Variants in PRH1 observed in about 807,000 individuals in gnomAD.
PRH1 encodes salivary acidic proline-rich phosphoprotein 1/2.
In PRH1, 7 loss-of-function variants were observed where a neutral mutation model predicts 7.9. That is an observed-to-expected ratio of 0.89 (90% CI 0.50 to 1.67). PRH1 has a LOEUF of 1.67. Among genes scored for constraint, PRH1 ranks in the 40% most tolerant of loss-of-function variants. PRH1 has a pLI of 0.00. For missense variants in PRH1, 109 were observed against 223.6 expected, an observed-to-expected ratio of 0.49 and a Z score of 3.27; for synonymous variants, 45 against 80.8, an observed-to-expected ratio of 0.56 and a Z score of 2.38.
chr12:11,110,871 A>C (rs770616440), intron 1 of PRH1, among the ~76,000 whole-genome samples: 1 of 152,222 alleles, frequency 6.6e-6, no homozygotes, highest in Non-Finnish European at 1.5e-5. Context: ...AATTGAATAG[A>C]GTCAAGACCC....
intron 2 of PRH1, among the ~76,000 whole-genome samples, chr12:10,960,716 C>T (rs1938199220): frequency 1.3e-5 from 2 of 152,012 alleles, no homozygotes; most frequent in Admixed American, 1.3e-4. Flanking sequence ...TGGCAAGTTC[C>T]TTAAATATAG....
rs556560493 is a variant in PRH1, at chr12:10,899,231, C to T, written c.-58-14956G>A. 9.5e-4 allele frequency among the ~76,000 whole-genome samples: 144 copies of T among 152,214 alleles called. 1 individual carries two copies. Among genetic ancestry groups the T allele is most frequent in the Middle Eastern group, 3.4e-3 (1 of 294 alleles). On this transcript the variant is annotated intron_variant, in intron 2 of 3. Transcript: ENST00000539853. Reference sequence around the variant, plus strand: ...TGGACTTCAGACATTTGAATTGATGCAGCAACGTGTTAAGAATTGGGGGAC... The same window carrying T: ...TGGACTTCAGACATTTGAATTGATGTAGCAACGTGTTAAGAATTGGGGGAC...
At chr12:10,942,398 G>C (rs1950416415) in intron 2 of PRH1, among the ~76,000 whole-genome samples, 1 of 152,142 alleles carries the variant, frequency 6.6e-6, no homozygotes, top group Admixed American at 6.5e-5. Context: ...GTGGCTGCTA[G>C]GGGGGATGGG....
chr12:10,892,985 T>C (rs1949596135), intron 2 of PRH1, among the ~76,000 whole-genome samples: 1 of 152,188 alleles, frequency 6.6e-6, no homozygotes, highest in Non-Finnish European at 1.5e-5. Context: ...ATTTCAGAGA[T>C]AAGGAAGGCA....
chr12:10,958,165 T>C (rs1000555123), intron 2 of PRH1, among the ~76,000 whole-genome samples: 11 of 152,054 alleles, frequency 7.2e-5, no homozygotes, highest in African/African-American at 2.2e-4. Context: ...TAAACCTAAC[T>C]GCCCATAAAT....
intron 1 of PRH1, chr12:11,133,441 T>C (rs771658517): frequency 1.2e-6 from 2 of 1,614,030 alleles, no homozygotes; most frequent in South Asian, 1.1e-5. Flanking sequence ...GATAGCTGAA[T>C]ATAATAGCTT....
At chr12:10,942,608 C>T (rs1171854801) in intron 2 of PRH1, among the ~76,000 whole-genome samples, 2 of 152,190 alleles carry the variant, frequency 1.3e-5, no homozygotes, top group Admixed American at 1.3e-4. Flanking sequence ...GCAAGCAGGG[C>T]TGAGAACTTG....
At chr12:11,031,535 C>A in intron 1 of PRH1, 1 of 593,438 alleles carries the variant, frequency 1.7e-6, no homozygotes. Context: ...GACAAAGCTT[C>A]CACCGGGAGG....
At chr12:10,928,654 G>T (rs1467587928) in intron 2 of PRH1, among the ~76,000 whole-genome samples, 1 of 152,182 alleles carries the variant, frequency 6.6e-6, no homozygotes, top group Non-Finnish European at 1.5e-5. Flanking sequence ...AGGAGGCTGC[G>T]GGGCAGCCTT....
intron 1 of PRH1, among the ~76,000 whole-genome samples, chr12:11,068,948 C>T (rs1183777790): frequency 6.7e-6 from 1 of 148,860 alleles, no homozygotes; most frequent in Non-Finnish European, 1.5e-5. Flanking sequence ...CACTCTGTAG[C>T]CCCAACTGGA....
chr12:11,114,441 G>C (rs1054938682), intron 1 of PRH1, among the ~76,000 whole-genome samples: 27 of 152,062 alleles, frequency 1.8e-4, no homozygotes, highest in African/African-American at 6.5e-4. Context: ...CTCATAATTG[G>C]GAGCTAAACA....
intron 1 of PRH1, among the ~76,000 whole-genome samples, chr12:11,031,796 C>A (rs1363980544): frequency 6.6e-6 from 1 of 152,152 alleles, no homozygotes; most frequent in East Asian, 1.9e-4. Context: ...ATTTTACAAT[C>A]CCCTTGCTAG....
At chr12:11,136,649 GCAAA>G (rs1216797948) in intron 1 of PRH1, among the ~76,000 whole-genome samples, 1 of 152,026 alleles carries the variant, frequency 6.6e-6, no homozygotes, top group Admixed American at 6.6e-5. Context: ...ATTTTATACA[GCAAA>G]CATTCATTTA....
rs558429026 is a variant in PRH1 at position 10,962,040 on chromosome 12, G to A, written c.-59+11615C>T. 1.8e-4 allele frequency among the ~76,000 whole-genome samples: 28 copies of A among 152,168 alleles called. No homozygotes were observed. The East Asian group carries it at 3.9e-3, about 21-fold the overall frequency. ...CGTGCTCTTGCCTCAATTTCCACGC[G>A]TCCCTGCCATTGCTGCCCTGGACTT... On this transcript the variant is annotated intron_variant, in intron 2 of 3. Coordinates refer to the PRH1 transcript ENST00000539853.
At chr12:11,124,795 A>C (rs1946053920) in intron 1 of PRH1, among the ~76,000 whole-genome samples, 1 of 152,214 alleles carries the variant, frequency 6.6e-6, no homozygotes. Context: ...TTTTCAATGT[A>C]CTAGAGTTAA....
Position 11,077,768 on chromosome 12 carries a change from C to A in PRH1, n.124-30580G>T. 5.8e-6 allele frequency: 7 copies of A among 1,212,240 alleles called. 2 individuals carry two copies. Among genetic ancestry groups the A allele is most frequent in the Non-Finnish European group, 8.5e-6 (7 of 823,824 alleles). 75.1% of individuals were successfully genotyped at this position (1,212,240 alleles called of 1,614,324 possible). ...TTGATCTTCCAAGTCACATTTCCTTCATATTCTTTTGTCCACACACTGTCA... is the reference window on the plus strand; with the variant it reads ...TTGATCTTCCAAGTCACATTTCCTTAATATTCTTTTGTCCACACACTGTCA... On this transcript the variant is annotated intron_variant and non_coding_transcript_variant, in intron 1 of 4. Coordinates refer to the PRH1 transcript ENST00000541977.
intron 1 of PRH1, among the ~76,000 whole-genome samples, chr12:11,059,379 C>G (rs1565605424): frequency 6.6e-6 from 1 of 152,134 alleles, no homozygotes; most frequent in Non-Finnish European, 1.5e-5. Flanking sequence ...CCATTTTTGT[C>G]TTGAACTTGA....
intron 1 of PRH1, among the ~76,000 whole-genome samples, chr12:10,974,609 C>G (rs1029136519): frequency 6.6e-6 from 1 of 151,694 alleles, no homozygotes; most frequent in Non-Finnish European, 1.5e-5. Context: ...CCAAGGGTAT[C>G]AAAGAAGATA....
intron 2 of PRH1, among the ~76,000 whole-genome samples, chr12:10,953,395 AT>A (rs1937784873): frequency 1.3e-5 from 2 of 152,182 alleles, no homozygotes; most frequent in African/African-American, 4.8e-5. Flanking sequence ...CACAAACAAA[AT>A]GGTCATTTTA....
Sources: gnomAD v4.1 joint callset for allele counts (sites outside exome capture counted in the v4.1 genomes callset) on GRCh38, gnomAD v4.1.1 for gene constraint, MANE v1.5 for transcripts, NCBI Gene and HGNC (gene_info 2026-07-23, HGNC 2026-07-21) for gene names.